Variants in GRID2 observed in about 807,000 individuals in gnomAD.
GRID2 encodes glutamate receptor ionotropic, delta-2.
In GRID2, 33 loss-of-function variants were observed where a neutral mutation model predicts 114.8. The observed-to-expected ratio is 0.29, with a 90% CI of 0.22 to 0.38. GRID2 has a LOEUF of 0.38. Ranked by LOEUF, GRID2 falls within the 10% of genes least tolerant of loss-of-function variation. GRID2 has a pLI of 1.00. For missense variants in GRID2, 1,184 were observed against 1,257.7 expected, an observed-to-expected ratio of 0.94 and a Z score of 0.89; for synonymous variants, 505 against 449.9, an observed-to-expected ratio of 1.12 and a Z score of -1.55.
intron 1 of GRID2, among the ~76,000 whole-genome samples, chr4:93,799,171 T>C (rs140301612): frequency 1.1e-3 from 168 of 152,328 alleles, no homozygotes; most frequent in African/African-American, 3.7e-3. Flanking sequence ...CTAGAAATCG[T>C]ATTTATAAAA....
At chr4:93,513,574 G>A (rs1239453938) in intron 12 of GRID2, among the ~76,000 whole-genome samples, 3 of 152,010 alleles carry the variant, frequency 2.0e-5, no homozygotes, top group Non-Finnish European at 2.9e-5. Flanking sequence ...GGTAGAATCC[G>A]TTCAATATTT....
chr4:92,941,402 A>C (rs1018998396), intron 2 of GRID2, among the ~76,000 whole-genome samples: 17 of 151,890 alleles, frequency 1.1e-4, no homozygotes, highest in Non-Finnish European at 2.2e-4. Context: ...TTTCTTTGGG[A>C]TTGGTGGTGA....
chr4:92,491,376 C>G (rs1158589504), intron 1 of GRID2, among the ~76,000 whole-genome samples: 1 of 152,066 alleles, frequency 6.6e-6, no homozygotes, highest in Non-Finnish European at 1.5e-5. Flanking sequence ...ATGCTTTTAT[C>G]TTCTGCTATA....
At chr4:92,497,482 T>C (rs1378969331) in intron 1 of GRID2, among the ~76,000 whole-genome samples, 1 of 151,832 alleles carries the variant, frequency 6.6e-6, no homozygotes, top group East Asian at 1.9e-4. Context: ...AAATAGAGAA[T>C]ACAAATTTTA....
chr4:92,435,578 C>T (rs1332969909), intron 1 of GRID2, among the ~76,000 whole-genome samples: 2 of 152,168 alleles, frequency 1.3e-5, no homozygotes, highest in African/African-American at 2.4e-5. Context: ...TCACAACATA[C>T]GATGACTGAT....
chr4:92,338,468 G>C (rs55814016), intron 1 of GRID2, among the ~76,000 whole-genome samples: 1 of 152,068 alleles, frequency 6.6e-6, no homozygotes, highest in African/African-American at 2.4e-5. Context: ...AATTATGATA[G>C]TTTAAGTAAG....
intron 2 of GRID2, among the ~76,000 whole-genome samples, chr4:93,073,158 A>G (rs1425506820): frequency 1.3e-5 from 2 of 152,188 alleles, no homozygotes; most frequent in Admixed American, 6.5e-5. Flanking sequence ...GGGACCCATA[A>G]AAAGTGCGAC....
At chr4:93,245,884 T>A (rs1748150801) in intron 8 of GRID2, among the ~76,000 whole-genome samples, 1 of 152,202 alleles carries the variant, frequency 6.6e-6, no homozygotes, top group Non-Finnish European at 1.5e-5. Flanking sequence ...TATACAGGAA[T>A]TAACAGAATT....
intron 13 of GRID2, among the ~76,000 whole-genome samples, chr4:93,567,691 C>T (rs1735558551): frequency 6.6e-6 from 1 of 152,170 alleles, no homozygotes. Context: ...TTGCTCAGAA[C>T]ATTAATGTAA....
At chr4:93,597,860 GT>G (rs1739257882) in intron 13 of GRID2, among the ~76,000 whole-genome samples, 1 of 152,120 alleles carries the variant, frequency 6.6e-6, no homozygotes, top group Non-Finnish European at 1.5e-5. Flanking sequence ...CCCAAGCTGT[GT>G]TTCACACTTG....
intron 1 of GRID2, among the ~76,000 whole-genome samples, chr4:92,468,455 G>A (rs891931013): frequency 5.9e-5 from 9 of 151,838 alleles, no homozygotes; most frequent in Non-Finnish European, 1.3e-4. Flanking sequence ...CCTACTTGGT[G>A]GCATCCTTAA....
intron 14 of GRID2, among the ~76,000 whole-genome samples, chr4:93,677,881 C>T (rs1432159954): frequency 6.6e-6 from 1 of 151,950 alleles, no homozygotes; most frequent in South Asian, 2.1e-4. Flanking sequence ...CGCCTCTCCT[C>T]CTCCAAAGGA....
intron 2 of GRID2, among the ~76,000 whole-genome samples, chr4:93,060,383 G>T (rs191747880): frequency 2.6e-5 from 4 of 152,198 alleles, no homozygotes; most frequent in African/African-American, 9.6e-5. Context: ...GCTATATTCT[G>T]ATAAAGTATT....
chr4:93,076,040 A>T (rs1247759079), intron 2 of GRID2, among the ~76,000 whole-genome samples: 1 of 151,506 alleles, frequency 6.6e-6, no homozygotes, highest in Non-Finnish European at 1.5e-5. Context: ...AGTAGCTGGG[A>T]CTACAGGCAC....
chr4:93,503,363 T>C (rs1728312649), intron 12 of GRID2, among the ~76,000 whole-genome samples: 1 of 152,134 alleles, frequency 6.6e-6, no homozygotes, highest in Non-Finnish European at 1.5e-5. Flanking sequence ...TTAGGGTACA[T>C]GTGCACAACG....
chr4:93,233,826 T>G (rs922902653), intron 7 of GRID2, among the ~76,000 whole-genome samples: 2 of 152,146 alleles, frequency 1.3e-5, no homozygotes, highest in African/African-American at 4.8e-5. Context: ...TAGAAGTAGA[T>G]ATCCTTGAGG....
chr4:92,609,540 A>T (rs1729621524), intron 2 of GRID2, among the ~76,000 whole-genome samples: 1 of 151,462 alleles, frequency 6.6e-6, no homozygotes, highest in Non-Finnish European at 1.5e-5. Flanking sequence ...ACTTTTGAGC[A>T]GAGACCTGAA....
At chr4:92,734,432 C>T (rs1291160648) in intron 2 of GRID2, among the ~76,000 whole-genome samples, 1 of 151,918 alleles carries the variant, frequency 6.6e-6, no homozygotes, top group Non-Finnish European at 1.5e-5. Flanking sequence ...CAGGTGCATG[C>T]CACCACACCT....
At chr4:92,461,408 C>A (rs1679446291) in intron 1 of GRID2, among the ~76,000 whole-genome samples, 1 of 151,836 alleles carries the variant, frequency 6.6e-6, no homozygotes, top group African/African-American at 2.4e-5. Flanking sequence ...TTTCTAAGAA[C>A]CTATTGACAA....
Sources: allele counts gnomAD v4.1 joint callset (sites outside exome capture counted in the v4.1 genomes callset), GRCh38; gene constraint gnomAD v4.1.1; transcripts MANE v1.5; gene names NCBI Gene and HGNC (gene_info 2026-07-23, HGNC 2026-07-21).